WRN: variants seen among roughly 807,000 people sequenced by gnomAD.
The protein encoded by WRN is bifunctional 3'-5' exonuclease/ATP-dependent helicase WRN.
WRN carries 149 observed loss-of-function variants against 180.7 expected under a neutral mutation model. The observed-to-expected ratio is 0.82, with a 90% CI of 0.72 to 0.94. The LOEUF (loss-of-function observed/expected upper bound fraction) is 0.94. Among genes scored for constraint, WRN ranks in the 40% least tolerant of loss-of-function variants. The pLI, the probability that WRN is intolerant of heterozygous loss-of-function variation, is 0.00. For synonymous variants in WRN, 548 were observed against 568.9 expected (o/e 0.96, Z 0.52); for missense variants, 1,661 against 1,700.1 (o/e 0.98, Z 0.40).
chr8:31,098,345 CT>C (rs1408366106), intron 17 of WRN, among the ~76,000 whole-genome samples: 2 of 151,998 alleles, frequency 1.3e-5, no homozygotes, highest in African/African-American at 4.8e-5. Context: ...TTACTATTTG[CT>C]TTGTTTCTGT....
chr8:31,045,404 T>A (rs78959899), intron 1 of WRN, among the ~76,000 whole-genome samples: 2 of 125,200 alleles, frequency 1.6e-5, no homozygotes, highest in African/African-American at 6.0e-5. Flanking sequence ...TCCACACTAA[T>A]TTTTTTTTTT....
intron 1 of WRN, among the ~76,000 whole-genome samples, chr8:31,057,378 G>A (rs1381088702): frequency 6.6e-6 from 1 of 152,068 alleles, no homozygotes; most frequent in Non-Finnish European, 1.5e-5. Context: ...AGACCATCCT[G>A]GCTAACATGG....
chr8:31,062,146 T>C (rs1057226889), intron 3 of WRN, among the ~76,000 whole-genome samples: 1 of 152,152 alleles, frequency 6.6e-6, no homozygotes, highest in Non-Finnish European at 1.5e-5. Context: ...TTAGAGATCA[T>C]AGTCCTGTAC....
Position 31,067,306 on chromosome 8 carries a change from A to G in WRN, c.654+124A>G, listed in dbSNP as rs1812749339. 5 of 1,158,602 alleles carry G rather than the reference A, an allele frequency of 4.3e-6. No individual in the cohort carries two copies. In the South Asian group the frequency reaches 5.6e-5, roughly 13 times the overall value. The allele number at this position is 1,158,602 out of a possible 1,614,324, so 71.8% of individuals were successfully genotyped here. On this transcript the variant is annotated intron_variant, in intron 6 of 34. Coordinates refer to ENST00000298139, the MANE Select transcript of WRN (RefSeq NM_000553.6). Reference sequence around the variant, plus strand: ...CCAAAATATTTTATATCAATTTGGCATTGAAAAATGCTTAGGAAGACATTT... The same window carrying G: ...CCAAAATATTTTATATCAATTTGGCGTTGAAAAATGCTTAGGAAGACATTT...
chr8:31,155,491 G>C (rs182856540), intron 32 of WRN, among the ~76,000 whole-genome samples: 4 of 151,896 alleles, frequency 2.6e-5, no homozygotes, highest in Non-Finnish European at 5.9e-5. Context: ...GCGTAGTGAC[G>C]CATGCCTGTA....
At chr8:31,126,550 C>T (rs1368192033) in intron 23 of WRN, among the ~76,000 whole-genome samples, 1 of 152,058 alleles carries the variant, frequency 6.6e-6, no homozygotes, top group Non-Finnish European at 1.5e-5. Flanking sequence ...GGTCTCAAAT[C>T]AGTACCTAAG....
chr8:31,109,914 A>G (rs1346558067), intron 18 of WRN, among the ~76,000 whole-genome samples: 2 of 152,104 alleles, frequency 1.3e-5, no homozygotes, highest in Admixed American at 1.3e-4. Flanking sequence ...AATATATGTC[A>G]TGTTTCATGC....
intron 33 of WRN, among the ~76,000 whole-genome samples, chr8:31,165,239 A>ATAAATAT (rs1267008899): frequency 2.0e-4 from 30 of 152,190 alleles, no homozygotes; most frequent in Middle Eastern, 6.8e-3. Context: ...AAATTGGTTT[A>ATAAATAT]TAAATATTAC....
At chr8:31,149,172 C>G (rs1319841617) in intron 30 of WRN, among the ~76,000 whole-genome samples, 1 of 151,896 alleles carries the variant, frequency 6.6e-6, no homozygotes, top group African/African-American at 2.4e-5. Context: ...CCGAGGCGGG[C>G]GGATCACGAG....
In WRN at chr8:31,055,848, C is replaced by G. The variant is rs181553890; in HGVS notation, c.-76-2524C>G. Among the ~76,000 whole-genome samples the G allele has an allele frequency of 1.6e-3, 239 of 152,212 alleles. 1 individual carries two copies. Among genetic ancestry groups the G allele is most frequent in the Non-Finnish European group, 4.7e-4 (32 of 68,004 alleles). On this transcript the variant is annotated intron_variant, in intron 1 of 34. Transcript: ENST00000298139. The stretch of plus-strand genomic sequence containing the variant: ...AAATTATTTTATGCTGTGAATTTGA[C>G]CGAAAATAACCTTTACCTCGTCAGG...
At chr8:31,051,984 A>G (rs1585394896) in intron 1 of WRN, among the ~76,000 whole-genome samples, 1 of 152,240 alleles carries the variant, frequency 6.6e-6, no homozygotes, top group African/African-American at 2.4e-5. Flanking sequence ...TTCAGTGTCT[A>G]TAGGTAAAAT....
chr8:31,045,180 T>A (rs764070774), intron 1 of WRN, among the ~76,000 whole-genome samples: 1 of 152,216 alleles, frequency 6.6e-6, no homozygotes, highest in South Asian at 2.1e-4. Context: ...TTTACATGGA[T>A]CTATTTCTGG....
chr8:31,164,803 T>G (rs1478732251), intron 33 of WRN, among the ~76,000 whole-genome samples: 2 of 152,176 alleles, frequency 1.3e-5, no homozygotes, highest in Non-Finnish European at 2.9e-5. Flanking sequence ...TTTAAAACAC[T>G]GAAGGCGTGT....
chr8:31,034,878 A>G (rs1045070667), intron 1 of WRN, among the ~76,000 whole-genome samples: 1 of 152,190 alleles, frequency 6.6e-6, no homozygotes, highest in African/African-American at 2.4e-5. Context: ...TATCGTGTCC[A>G]GCATATGGCA....
intron 24 of WRN, among the ~76,000 whole-genome samples, chr8:31,134,516 C>T (rs867264427): frequency 2.0e-5 from 3 of 152,122 alleles, no homozygotes; most frequent in Non-Finnish European, 4.4e-5. Context: ...TAAGGAACTT[C>T]GTTTTAGCTG....
At position 31,162,730 on chromosome 8, in the gene WRN, A is replaced by G. The variant is rs565256375; in HGVS notation, c.3983-4292A>G. On this transcript the variant is annotated intron_variant, in intron 33 of 34. Coordinates refer to ENST00000298139, the MANE Select transcript of WRN (RefSeq NM_000553.6). ...GGCATGATGTCACTAGGTGGTAGGA[A>G]CTTTTCAGCTCCATGATAATCTAAT... is the stretch of plus-strand genomic sequence containing the variant. 5.3e-3 allele frequency among the ~76,000 whole-genome samples: 812 copies of G among 152,256 alleles called. 7 individuals are homozygous for G. Among genetic ancestry groups the G allele is most frequent in the Middle Eastern group, 0.017 (5 of 294 alleles).
At chr8:31,039,348 C>T (rs1811562144) in intron 1 of WRN, among the ~76,000 whole-genome samples, 1 of 151,936 alleles carries the variant, frequency 6.6e-6, no homozygotes, top group South Asian at 2.1e-4. Flanking sequence ...CAGTTACTTT[C>T]TTAGTTTCCT....
chr8:31,174,864 T>C lies in WRN; in HGVS notation c.*1762T>C, dbSNP rs946620573. Among the ~76,000 whole-genome samples the C allele has an allele frequency of 1.8e-5, 2 of 109,666 alleles. No individual in the cohort carries two copies. The highest frequency in any genetic ancestry group is 3.1e-5 in the African/African-American group (1 of 31,952). The allele number at this position is 109,666 out of a possible 152,430, so 71.9% of individuals were successfully genotyped here. On this transcript the variant is annotated 3_prime_UTR_variant, in exon 35 of 35. Coordinates refer to ENST00000298139, the MANE Select transcript of WRN (RefSeq NM_000553.6). The stretch of plus-strand genomic sequence containing the variant: ...CCCTCCCTCCCTCCTTTCTTTTTCT[T>C]TCTCTTTCTTTCTTTCTTTCTCTCT...
At chr8:31,077,265 G>A (rs1191007125) in intron 8 of WRN, among the ~76,000 whole-genome samples, 6 of 151,518 alleles carry the variant, frequency 4.0e-5, no homozygotes, top group Non-Finnish European at 5.9e-5. Context: ...TTTTTGAGAC[G>A]AGTCTCGCTT....
Sources: allele counts gnomAD v4.1 joint callset (sites outside exome capture counted in the v4.1 genomes callset), GRCh38; gene constraint gnomAD v4.1.1; transcripts MANE v1.5; gene names NCBI Gene and HGNC (gene_info 2026-07-23, HGNC 2026-07-21).